Variants in HAS2 observed in about 807,000 individuals in gnomAD.
HAS2 encodes the protein HA synthase 2.
In HAS2, 16 loss-of-function variants were observed where a neutral mutation model predicts 51.6. The observed-to-expected ratio is 0.31, with a 90% CI of 0.21 to 0.47. The LOEUF is 0.47. Among genes scored for constraint, HAS2 ranks in the 20% least tolerant of loss-of-function variants. HAS2 has a pLI of 1.00. For missense variants in HAS2, 361 were observed against 662.6 expected, an observed-to-expected ratio of 0.54 and a Z score of 5.00; for synonymous variants, 228 against 235.5, an observed-to-expected ratio of 0.97 and a Z score of 0.29.
intron 1 of HAS2, among the ~76,000 whole-genome samples, chr8:121,633,024 G>A (rs1381934672): frequency 6.6e-6 from 1 of 151,928 alleles, no homozygotes; most frequent in Admixed American, 6.6e-5. Context: ...TAAATTTGCT[G>A]AATATATTTG....
Position 121,614,149 on chromosome 8 carries a change from C to T in HAS2, c.1619G>A (p.Arg540Gln). The T allele has an allele frequency of 3.1e-6, 5 of 1,614,058 alleles. No individual in the cohort carries two copies. Among genetic ancestry groups the T allele is most frequent in the Non-Finnish European group, 3.4e-6 (4 of 1,180,000 alleles). ...YVVLINKCGR[R>Q]KKGQQYDMVL... ...CATGTCATATTGTTGTCCCTTCTTC[C>T]GCCTGCCACACTTATTGATGAGAAC... Residue 540 changes from arginine (R) to glutamine (Q), a missense_variant, in exon 4 of 4, where the codon CGG becomes CAG. Arg to Gln is a conservative substitution (Grantham distance 43, BLOSUM62 1). Transcript: ENST00000303924. The surrounding 1 kb of genome is among the most constrained non-coding windows in gnomAD (Gnocchi z 7.2).
chr8:121,624,851 T>C (rs987033755), intron 2 of HAS2, among the ~76,000 whole-genome samples: 3 of 152,088 alleles, frequency 2.0e-5, no homozygotes, highest in Non-Finnish European at 4.4e-5. Context: ...ATCCCAGCAC[T>C]TTGGGAGGCC....
chr8:121,625,059 C>G (rs1160654595), intron 2 of HAS2, among the ~76,000 whole-genome samples: 4 of 136,192 alleles, frequency 2.9e-5, no homozygotes, highest in African/African-American at 8.4e-5. Flanking sequence ...GATAGCGCCA[C>G]TGCAGTCCAG....
rs568744971 is a variant in HAS2 at position 121,638,223 on chromosome 8, A to T, written c.-1+2630T>A. Among the ~76,000 whole-genome samples the T allele has an allele frequency of 5.6e-4, 85 of 152,348 alleles. 1 individual carries two copies. The highest frequency in any genetic ancestry group is 2.0e-3 in the African/African-American group (82 of 41,580). On this transcript the variant is annotated intron_variant, in intron 1 of 3. Coordinates refer to ENST00000303924, the MANE Select transcript of HAS2 (RefSeq NM_005328.3). The stretch of plus-strand genomic sequence containing the variant: ...AATACTATGGGGCTATATTCTACAG[A>T]CCTAACAAAAATGAGTGGTTCCAAC...
At chr8:121,625,686 T>TA in intron 2 of HAS2, among the ~76,000 whole-genome samples, 1 of 143,922 alleles carries the variant, frequency 6.9e-6, no homozygotes, top group African/African-American at 2.6e-5. Context: ...TTTTTTTTTT[T>TA]TTTTTTTTTT....
intron 1 of HAS2, among the ~76,000 whole-genome samples, chr8:121,640,420 AGTGTGTGT>A (rs10578731): frequency 2.7e-5 from 4 of 148,430 alleles, no homozygotes; most frequent in South Asian, 2.2e-4. Context: ...TTCTCCCCAC[AGTGTGTGT>A]GTGTGTGTGT....
chr8:121,627,062 A>G (rs1812864058), intron 2 of HAS2, among the ~76,000 whole-genome samples: 1 of 152,208 alleles, frequency 6.6e-6, no homozygotes, highest in South Asian at 2.1e-4. Flanking sequence ...ATGGGAGAAG[A>G]GGGTTTGGGA....
intron 1 of HAS2, among the ~76,000 whole-genome samples, chr8:121,636,577 C>A (rs1166938713): frequency 6.6e-6 from 1 of 152,160 alleles, no homozygotes; most frequent in Non-Finnish European, 1.5e-5. Context: ...TTTCAGATTT[C>A]TTTTCCTTTG....
chr8:121,621,101 C>T (rs1410097177), intron 2 of HAS2, among the ~76,000 whole-genome samples: 1 of 152,122 alleles, frequency 6.6e-6, no homozygotes, highest in African/African-American at 2.4e-5. Context: ...TACTATTTAG[C>T]CTTTTATAAG....
intron 2 of HAS2, among the ~76,000 whole-genome samples, chr8:121,619,522 A>G (rs17233161): frequency 0.1 from 15,458 of 152,002 alleles, 1,026 homozygotes; most frequent in Middle Eastern, 0.21. Flanking sequence ...GGTTCAGCAT[A>G]GTCTCACTTA....
chr8:121,626,882 G>A (rs1005335314), intron 2 of HAS2, among the ~76,000 whole-genome samples: 1 of 152,208 alleles, frequency 6.6e-6, no homozygotes, highest in African/African-American at 2.4e-5. Flanking sequence ...GGTCGGGTCA[G>A]TGTATCTGGA....
intron 2 of HAS2, among the ~76,000 whole-genome samples, chr8:121,628,334 G>A (rs905103657): frequency 6.6e-6 from 1 of 151,968 alleles, no homozygotes; most frequent in Non-Finnish European, 1.5e-5. Flanking sequence ...CTTCTGCTCA[G>A]GCAGACACTA....
intron 1 of HAS2, among the ~76,000 whole-genome samples, chr8:121,632,391 T>C (rs541482964): frequency 1.3e-5 from 2 of 152,190 alleles, no homozygotes; most frequent in South Asian, 4.1e-4. Flanking sequence ...ATAGAGTTAG[T>C]TCAATCCTAA....
chr8:121,636,851 G>A (rs539066378), intron 1 of HAS2, among the ~76,000 whole-genome samples: 1 of 152,278 alleles, frequency 6.6e-6, no homozygotes, highest in Admixed American at 6.5e-5. Flanking sequence ...TCAATCAGAT[G>A]TGACTTCTCA....
At position 121,637,127 on chromosome 8, in the gene HAS2, G is replaced by T. The variant is rs896274098; in HGVS notation, c.-1+3726C>A. 2.6e-5 allele frequency among the ~76,000 whole-genome samples: 4 copies of T among 152,116 alleles called. 1 individual carries two copies. In the South Asian group the frequency reaches 8.3e-4, roughly 32 times the overall value. On this transcript the variant is annotated intron_variant, in intron 1 of 3. Transcript: ENST00000303924. ...AGACATGTGATAAACAATAGCTGTT[G>T]TTTCTTATGGGCCAGATCATATTTT...
chr8:121,616,414 C>T (rs1417126608), intron 3 of HAS2, among the ~76,000 whole-genome samples: 1 of 150,868 alleles, frequency 6.6e-6, no homozygotes, highest in Non-Finnish European at 1.5e-5. Context: ...TCTTACCATA[C>T]TTCTATTTCT....
Position 121,612,576 on chromosome 8 carries a change from G to T in HAS2, c.*1533C>A, listed in dbSNP as rs1812651345. ...TATTCCGATTGTGTTTTCAACACAG[G>T]TCTACACAGCACCAGCTACAAGGCA... On this transcript the variant is annotated 3_prime_UTR_variant, in exon 4 of 4. Transcript: ENST00000303924. The T allele has an allele frequency of 6.6e-6, 1 of 151,960 alleles. No homozygotes were observed. Among genetic ancestry groups the T allele is most frequent in the African/African-American group, 2.4e-5 (1 of 41,400 alleles). 9.4% of individuals were successfully genotyped at this position (151,960 alleles called of 1,614,324 possible). A position where few individuals can be genotyped will look rare whatever the true frequency, so the allele number is the denominator to read the frequency against.
At chr8:121,616,703 T>A (rs1812708601) in intron 3 of HAS2, among the ~76,000 whole-genome samples, 1 of 152,212 alleles carries the variant, frequency 6.6e-6, no homozygotes, top group Non-Finnish European at 1.5e-5. Flanking sequence ...CCCAAAGTGC[T>A]GGGATTACAG....
rs1209013176 is a variant in HAS2, at chr8:121,636,269, G to A, written c.-1+4584C>T. 3.3e-5 allele frequency among the ~76,000 whole-genome samples: 5 copies of A among 152,196 alleles called. No individual in the cohort carries two copies. The East Asian group carries it at 9.7e-4, about 29-fold the overall frequency. On this transcript the variant is annotated intron_variant, in intron 1 of 3. Transcript: ENST00000303924. ...CCTGATGTGTATTCCCTCTGCTACT[G>A]TCCCTACGTAGAAATCTGAGATAGG...
Sources: allele counts gnomAD v4.1 joint callset (sites outside exome capture counted in the v4.1 genomes callset), GRCh38; gene constraint gnomAD v4.1.1; non-coding constraint Gnocchi (gnomAD v3.1); transcripts MANE v1.5; gene names NCBI Gene and HGNC (gene_info 2026-07-23, HGNC 2026-07-21).